Variants in ACSBG1 observed in about 807,000 individuals in gnomAD.
ACSBG1 encodes long-chain-fatty-acid--CoA ligase ACSBG1.
In ACSBG1, 39 loss-of-function variants were observed where a neutral mutation model predicts 80.2. The ratio of observed to expected loss-of-function variants is 0.49; its 90% confidence interval spans 0.38 to 0.64. ACSBG1 has a LOEUF of 0.64. ACSBG1 is among the 30% of genes least tolerant of loss of function. The pLI is 0.00. For synonymous variants in ACSBG1, 392 were observed against 379.5 expected, an observed-to-expected ratio of 1.03 and a Z score of -0.38; for missense variants, 828 against 966.4, an observed-to-expected ratio of 0.86 and a Z score of 1.90.
chr15:78,187,802 A>T (rs1391705940), intron 5 of ACSBG1, among the ~76,000 whole-genome samples: 2 of 152,180 alleles, frequency 1.3e-5, no homozygotes, highest in Non-Finnish European at 2.9e-5. Flanking sequence ...CCTATTCAAC[A>T]TTGTGTTGGA....
chr15:78,234,537 CCACT>C lies in ACSBG1; in HGVS notation c.-40_-37del. On this transcript the variant is annotated 5_prime_UTR_variant, in exon 1 of 14. Transcript: ENST00000258873. ...CTTCCACTGAAGACAGCTCAGTCAC[CCACT>C]GAGAGAGGCTAGCCTTGAGTGAGCA... 1 of 1,602,850 alleles carries C rather than the reference CCACT, an allele frequency of 6.2e-7. No homozygotes were observed. Among genetic ancestry groups the C allele is most frequent in the Non-Finnish European group, 8.5e-7 (1 of 1,178,500 alleles).
Position 78,171,390 on chromosome 15 carries a change from G to A in ACSBG1, c.*54C>T. The A allele has an allele frequency of 6.7e-7, 1 of 1,486,378 alleles. No homozygotes were observed. The highest frequency in any genetic ancestry group is 1.2e-5 in the South Asian group (1 of 86,872). The allele number at this position is 1,486,378 out of a possible 1,614,324, so 92.1% of individuals were successfully genotyped here. A position where few individuals can be genotyped will look rare whatever the true frequency, so the allele number is the denominator to read the frequency against. On this transcript the variant is annotated 3_prime_UTR_variant, in exon 14 of 14. Transcript: ENST00000258873. ...ACTGAAGAGACCTGGGGCTCAGGAA[G>A]AGGCTCGGAACGCCTGCCCTCTATT...
At chr15:78,194,919 C>T (rs1012614363) in intron 2 of ACSBG1, among the ~76,000 whole-genome samples, 193 bp from the exon 3 acceptor site, 3 of 152,214 alleles carry the variant, frequency 2.0e-5, no homozygotes, top group Admixed American at 6.5e-5. Flanking sequence ...CTGACTCAGC[C>T]TTGAAGGAAG....
intron 10 of ACSBG1, 69 bp downstream of exon 10, chr15:78,179,481 C>T (rs2074917766): frequency 1.4e-6 from 2 of 1,439,892 alleles, no homozygotes. Context: ...CCAGGGCACT[C>T]AGCAGGCGGG....
At chr15:78,203,158 C>T (rs192979661) in intron 2 of ACSBG1, among the ~76,000 whole-genome samples, 1 of 152,292 alleles carries the variant, frequency 6.6e-6, no homozygotes, top group African/African-American at 2.4e-5. Context: ...CCTCATCTCC[C>T]CTTTGTGCTC....
intron 2 of ACSBG1, among the ~76,000 whole-genome samples, chr15:78,195,546 C>T (rs2075105721): frequency 1.3e-5 from 2 of 152,118 alleles, no homozygotes; most frequent in African/African-American, 2.4e-5. Context: ...GGACAAGCCA[C>T]TGAACCACTG....
chr15:78,214,059 C>G (rs565171257), intron 1 of ACSBG1, among the ~76,000 whole-genome samples: 11 of 152,310 alleles, frequency 7.2e-5, no homozygotes, highest in African/African-American at 2.6e-4. Flanking sequence ...ACTTAGCCAA[C>G]CATCCCAGCT....
At chr15:78,190,562 C>A (rs1489512020) in intron 5 of ACSBG1, among the ~76,000 whole-genome samples, 4 of 130,442 alleles carry the variant, frequency 3.1e-5, no homozygotes, top group African/African-American at 1.1e-4. Context: ...CAAAGTGAGA[C>A]CCTGTCTTAA....
chr15:78,209,181 T>A, intron 1 of ACSBG1: 1 of 456,116 alleles, frequency 2.2e-6, no homozygotes, highest in South Asian at 1.5e-5. Flanking sequence ...TTGTCGGCAC[T>A]GCAGGTTCCG....
At chr15:78,197,825 G>A (rs1207645438) in intron 2 of ACSBG1, among the ~76,000 whole-genome samples, 2 of 150,934 alleles carry the variant, frequency 1.3e-5, no homozygotes, top group African/African-American at 4.9e-5. Context: ...GCATCCAGTT[G>A]CCTCTCAGTG....
Position 78,194,689 on chromosome 15 carries a change from C to T in ACSBG1, c.270G>A (p.Val90=), listed in dbSNP as rs762057768. ...ALWTTRADGR[V]RLRIDPSCPQ... ...GGCAGCTGGGGTCTATGCGCAGGCG[C>T]ACCCGCCCATCGGCCCGAGTCGTCC... Residue 90 remains valine (V), a synonymous_variant, in exon 3 of 14, where the codon GTG becomes GTA. Transcript: ENST00000258873. 11 of 1,613,522 alleles carry T rather than the reference C, an allele frequency of 6.8e-6. No individual in the cohort carries two copies. The highest frequency in any genetic ancestry group is 3.3e-5 in the Admixed American group (2 of 60,006).
intron 2 of ACSBG1, among the ~76,000 whole-genome samples, chr15:78,202,453 C>T (rs562842357): frequency 2.6e-5 from 4 of 152,162 alleles, no homozygotes; most frequent in Non-Finnish European, 5.9e-5. Flanking sequence ...TCATGATCTG[C>T]CCACCTCAGC....
intron 13 of ACSBG1, 171 bp from the exon 14 acceptor site, chr15:78,171,700 C>T: frequency 5.2e-6 from 3 of 578,594 alleles, no homozygotes; most frequent in Non-Finnish European, 9.3e-6. Context: ...ATTCATATGG[C>T]TTGTGTGTAG....
chr15:78,182,442 C>G (rs372867467), intron 7 of ACSBG1, 24 bp downstream of exon 7: 29 of 1,609,168 alleles, frequency 1.8e-5, no homozygotes, highest in African/African-American at 1.5e-4. Flanking sequence ...GCACCCCCCC[C>G]ACCCCACCGG....
chr15:78,175,253 AT>A (rs1307299139), intron 11 of ACSBG1, among the ~76,000 whole-genome samples: 1 of 152,280 alleles, frequency 6.6e-6, no homozygotes, highest in Non-Finnish European at 1.5e-5. Context: ...ATGGCAATAA[AT>A]TCAATAAAAT....
In ACSBG1 at chr15:78,182,129, C is replaced by T. The variant is rs372754760; in HGVS notation, c.911G>A (p.Arg304Gln). The change falls in exon 8 of 14, where the codon CGG (arginine) becomes CAG (glutamine). Residue 304 changes from arginine (R) to glutamine (Q), a missense_variant. Around this residue, in one of 3 missense-constraint regions of ACSBG1, gnomAD observed 271 missense variants for 375.9 expected, o/e 0.72. Coordinates refer to ENST00000258873, the MANE Select transcript of ACSBG1 (RefSeq NM_015162.5). The part of the protein sequence containing the change: ...LSQDNITWTA[R>Q]YGSQAGDIRP... ...GATGTCACCGGCCTGGCTGCCGTAC[C>T]GTGCCGTCCACGTGATCTGGAGGAC... 3.4e-5 allele frequency: 55 copies of T among 1,610,410 alleles called. No homozygotes were observed. The highest frequency in any genetic ancestry group is 1.1e-4 in the African/African-American group (8 of 74,932).
At chr15:78,196,258 A>G (rs530922083) in intron 2 of ACSBG1, among the ~76,000 whole-genome samples, 6 of 152,192 alleles carry the variant, frequency 3.9e-5, no homozygotes, top group Non-Finnish European at 8.8e-5. Context: ...AGACCTCTCC[A>G]AGCCTTGCCC....
In ACSBG1 at chr15:78,193,533, C is replaced by T. The variant is rs140025302; in HGVS notation, c.636G>A (p.Thr212=). ...TCAGGATCTTTTCCAGCTGCTTCTG[C>T]GTGTCGACCATGATGACATTGGCGC... ...DCCANVIMVD[T]QKQLEKILKI... Residue 212 remains threonine, a synonymous_variant, in exon 5 of 14, where the codon ACG becomes ACA. Transcript: ENST00000258873. 6.9e-5 allele frequency: 112 copies of T among 1,612,838 alleles called. No individual in the cohort carries two copies. The African/African-American group carries it at 8.5e-4, about 12-fold the overall frequency.
chr15:78,203,627 T>C (rs1459947447), intron 2 of ACSBG1, among the ~76,000 whole-genome samples: 1 of 152,170 alleles, frequency 6.6e-6, no homozygotes, highest in African/African-American at 2.4e-5. Context: ...GGGAGCTGTG[T>C]TCTCTGGGGT....
Sources: gnomAD v4.1 joint callset for allele counts (sites outside exome capture counted in the v4.1 genomes callset) on GRCh38, gnomAD v4.1.1 for gene constraint, gnomAD v4.1.1 regional missense constraint, MANE v1.5 for transcripts, NCBI Gene and HGNC (gene_info 2026-07-23, HGNC 2026-07-21) for gene names.